APOBEC3D: variants seen among roughly 807,000 people sequenced by gnomAD.
The protein encoded by APOBEC3D is apolipoprotein B mRNA editing enzyme catalytic subunit 3D.
APOBEC3D carries 37 observed loss-of-function variants against 45.6 expected under a neutral mutation model. The ratio of observed to expected loss-of-function variants is 0.81; its 90% CI spans 0.62 to 1.07. APOBEC3D has a LOEUF of 1.07. APOBEC3D is among the 50% of genes least tolerant of loss of function. The pLI is 0.00. For synonymous variants in APOBEC3D, 175 were observed against 180.7 expected (o/e 0.97, Z 0.25); for missense variants, 496 against 495.3 (o/e 1.00, Z -0.01).
intron 4 of APOBEC3D, among the ~76,000 whole-genome samples, chr22:39,028,995 G>A (rs1213226359): frequency 6.6e-6 from 1 of 152,206 alleles, no homozygotes; most frequent in East Asian, 1.9e-4. Context: ...TCGGACAGGT[G>A]AAATGTGAGG....
In APOBEC3D at chr22:39,025,930, G is replaced by A. The variant is rs562439951; in HGVS notation, c.605+259G>A. Among the ~76,000 whole-genome samples the A allele has an allele frequency of 3.3e-5, 5 of 152,240 alleles. No individual in the cohort carries two copies. The East Asian group carries it at 5.8e-4, about 18-fold the overall frequency. ...CACCCCCGAGGCTGCCCTCCCCACAGCCTGGGAGCCCCAACCTGGCTCCTT... is the reference window on the plus strand; with the variant it reads ...CACCCCCGAGGCTGCCCTCCCCACAACCTGGGAGCCCCAACCTGGCTCCTT... On this transcript the variant is annotated intron_variant, in intron 4 of 6. Transcript: ENST00000216099.
Position 39,025,293 on chromosome 22 carries a change from G to A in APOBEC3D, c.434G>A (p.Trp145Ter), listed in dbSNP as rs1407156516. 2.5e-6 allele frequency: 4 copies of A among 1,614,130 alleles called. No homozygotes were observed. Among genetic ancestry groups the A allele is most frequent in the Non-Finnish European group, 3.4e-6 (4 of 1,180,020 alleles). ...LYYYRDRDWRWVLLRLHKAGA... is the reference protein window; with the variant it reads ...LYYYRDRDWR ...TACTACCGGGATAGAGATTGGCGGT[G>A]GGTGCTCCTCAGGCTGCATAAGGCA... is the stretch of plus-strand genomic sequence containing the variant. The change falls in exon 3 of 7, where the codon TGG becomes TAG. Residue 145 changes from tryptophan to a stop codon, truncating the protein, a stop_gained. Transcript: ENST00000216099. LOFTEE classifies it high-confidence loss of function.
intron 4 of APOBEC3D, 146 bp downstream of exon 4, chr22:39,025,817 G>A (rs1925600139): frequency 1.3e-6 from 2 of 1,494,948 alleles, no homozygotes; most frequent in Non-Finnish European, 1.8e-6. Flanking sequence ...CACTCCTCAT[G>A]CTCCCTCCAC....
rs1925262062 is a variant in APOBEC3D, at chr22:39,022,907, C to T, written c.103C>T (p.Leu35=). The part of the protein sequence containing the change: ...PILYGRSYTW[L]CYEVKIKRGR... The stretch of plus-strand genomic sequence containing the variant: ...CCTCTATGGTCGGAGCTACACTTGG[C>T]TGTGCTATGAAGTGAAAATAAAGAG... The change falls in exon 2 of 7, where the codon CTG becomes TTG. Residue 35 remains leucine, a synonymous_variant. Transcript: ENST00000216099. 1 of 1,613,588 alleles carries T rather than the reference C, an allele frequency of 6.2e-7. No individual in the cohort carries two copies. The highest frequency in any genetic ancestry group is 8.5e-7 in the Non-Finnish European group (1 of 1,179,994).
chr22:39,028,771 T>C lies in APOBEC3D; in HGVS notation c.606-592T>C, dbSNP rs563321840. On this transcript the variant is annotated intron_variant, in intron 4 of 6. Coordinates refer to ENST00000216099, the MANE Select transcript of APOBEC3D (RefSeq NM_152426.4). ...TAACGTGGTGAAACCCCGTCTCTAC[T>C]AAAAATACAAAAAATTAGACGGGCG... Among the ~76,000 whole-genome samples, 3 of 152,180 alleles carry C rather than the reference T, an allele frequency of 2.0e-5. No homozygotes were observed. The South Asian group carries it at 6.2e-4, about 32-fold the overall frequency.
chr22:39,025,410 T>C (rs1925542210), intron 3 of APOBEC3D, 61 bp downstream of exon 3: 4 of 1,612,568 alleles, frequency 2.5e-6, no homozygotes, highest in Non-Finnish European at 3.4e-6. Flanking sequence ...GATGGATGGA[T>C]CTGCAATGCC....
At chr22:39,027,839 T>C (rs192703995) in intron 4 of APOBEC3D, among the ~76,000 whole-genome samples, 252 of 152,152 alleles carry the variant, frequency 1.7e-3, no homozygotes, top group African/African-American at 4.5e-3. Context: ...GAATGGGCCA[T>C]CTCCCCCACC....
At position 39,025,122 on chromosome 22, in the gene APOBEC3D, G is replaced by C. The variant is rs1925501809; in HGVS notation, c.263G>C (p.Cys88Ser). The C allele has an allele frequency of 1.2e-6, 2 of 1,612,078 alleles. No homozygotes were observed. The highest frequency in any genetic ancestry group is 1.7e-5 in the Admixed American group (1 of 59,800). ...GAAATGTGCTTCTTATCTTGGTTCT[G>C]TGGCAACCGACTGCCTGCTAACAGG... Reference protein sequence around the residue: ...HAEMCFLSWFCGNRLPANRRF... With the variant: ...HAEMCFLSWFSGNRLPANRRF... The change falls in exon 3 of 7, where the codon TGT becomes TCT. Residue 88 changes from cysteine (C) to serine (S), a missense_variant. Coordinates refer to ENST00000216099, the MANE Select transcript of APOBEC3D (RefSeq NM_152426.4).
Position 39,032,997 on chromosome 22 carries a change from G to A in APOBEC3D, c.*681G>A, listed in dbSNP as rs1246373693. The A allele has an allele frequency of 6.6e-6, 1 of 151,600 alleles. No homozygotes were observed. The highest frequency in any genetic ancestry group is 2.4e-5 in the African/African-American group (1 of 41,088). 9.4% of individuals were successfully genotyped at this position (151,600 alleles called of 1,614,324 possible). On this transcript the variant is annotated 3_prime_UTR_variant, in exon 7 of 7. Transcript: ENST00000216099. ...GGAGGCAGAGGTGGGAGAATCGCTT[G>A]AGCCCAGAAGTTTGAGACCAGCCTG... is the stretch of plus-strand genomic sequence containing the variant.
intron 4 of APOBEC3D, among the ~76,000 whole-genome samples, chr22:39,028,722 T>A (rs1413258016): frequency 6.6e-6 from 1 of 152,086 alleles, no homozygotes; most frequent in African/African-American, 2.4e-5. Flanking sequence ...GATCACAAGG[T>A]CAGGAGTTCA....
rs1288422344 is a variant in APOBEC3D, at chr22:39,033,122, T to G, written c.*806T>G. The G allele has an allele frequency of 4.1e-6, 1 of 245,968 alleles. No individual in the cohort carries two copies. The highest frequency in any genetic ancestry group is 6.5e-6 in the Non-Finnish European group (1 of 154,992). The allele number at this position is 245,968 out of a possible 1,614,324, so 15.2% of individuals were successfully genotyped here. On this transcript the variant is annotated 3_prime_UTR_variant, in exon 7 of 7. Coordinates refer to ENST00000216099, the MANE Select transcript of APOBEC3D (RefSeq NM_152426.4). ...GTTTAAGCTACTTGGGAGGATGAAG[T>G]GGGAGGACTGCTTGAGCCGGGGAGG...
chr22:39,032,170 C>A, intron 6 of APOBEC3D, 28 bp from the exon 7 acceptor site: 1 of 1,610,954 alleles, frequency 6.2e-7, no homozygotes, highest in South Asian at 1.1e-5. Context: ...GCTGGGCCCT[C>A]ACTGCTTTCT....
Position 39,021,430 on chromosome 22 carries a change from T to C in APOBEC3D, c.-90T>C. The C allele has an allele frequency of 6.3e-7, 1 of 1,598,618 alleles. No homozygotes were observed. The highest frequency in any genetic ancestry group is 1.3e-5 in the African/African-American group (1 of 74,662). On this transcript the variant is annotated 5_prime_UTR_variant, in exon 1 of 7. Transcript: ENST00000216099. ...CGGGAGGTCACTTTAAGGAGGGCTG[T>C]CCAACTGCAAGGAGCCGCAAGCAGG...
At position 39,033,198 on chromosome 22, in the gene APOBEC3D, C is replaced by T. The variant is rs181638605; in HGVS notation, c.*882C>T. On this transcript the variant is annotated 3_prime_UTR_variant, in exon 7 of 7. Coordinates refer to ENST00000216099, the MANE Select transcript of APOBEC3D (RefSeq NM_152426.4). ...CGCCACAGAACTCCAGTTTGAGCAA[C>T]AGATCAAGACCCTGCCTGAAAATAA... 3 of 925,646 alleles carry T rather than the reference C, an allele frequency of 3.2e-6. No homozygotes were observed. Among genetic ancestry groups the T allele is most frequent in the East Asian group, 1.2e-4 (1 of 8,504 alleles). 57.3% of individuals were successfully genotyped at this position (925,646 alleles called of 1,614,324 possible).
chr22:39,030,948 A>G (rs1926153065), intron 5 of APOBEC3D, among the ~76,000 whole-genome samples: 1 of 152,208 alleles, frequency 6.6e-6, no homozygotes, highest in African/African-American at 2.4e-5. Flanking sequence ...CGGGCGGATC[A>G]TAAGGTCAGG....
chr22:39,027,658 C>T (rs1925808070), intron 4 of APOBEC3D, among the ~76,000 whole-genome samples: 2 of 152,226 alleles, frequency 1.3e-5, no homozygotes, highest in South Asian at 4.1e-4. Flanking sequence ...GACCACTGCC[C>T]GTTCTGCCCA....
At chr22:39,026,816 G>A (rs1174988743) in intron 4 of APOBEC3D, among the ~76,000 whole-genome samples, 2 of 151,530 alleles carry the variant, frequency 1.3e-5, no homozygotes, top group Admixed American at 6.6e-5. Context: ...GCTGTGGTGC[G>A]ATCTCGGCTC....
intron 1 of APOBEC3D, 38 bp downstream of exon 1, chr22:39,021,574 CCCTT>C: frequency 6.2e-7 from 1 of 1,611,688 alleles, no homozygotes; most frequent in African/African-American, 1.4e-5. Context: ...CCCCTCCGGC[CCCTT>C]CCTTCTGGTG....
intron 5 of APOBEC3D, 90 bp downstream of exon 5, chr22:39,029,609 C>A: frequency 3.5e-6 from 5 of 1,448,856 alleles, no homozygotes; most frequent in Non-Finnish European, 4.7e-6. Context: ...CGCGTGGGCT[C>A]TGCTATGTGT....
Sources: gnomAD v4.1 joint callset for allele counts (sites outside exome capture counted in the v4.1 genomes callset) on GRCh38, gnomAD v4.1.1 for gene constraint, MANE v1.5 for transcripts, NCBI Gene and HGNC (gene_info 2026-07-23, HGNC 2026-07-21) for gene names.